The following SATB2 variants were observed in gnomAD, a reference collection of about 807,000 sequenced individuals.
SATB2 encodes the protein SATB homeobox 2.
In SATB2, 1 loss-of-function variant was observed where a neutral mutation model predicts 73.4. That is an observed-to-expected ratio of 0.01 (90% CI 0.00 to 0.06). The LOEUF (loss-of-function observed/expected upper bound fraction) is 0.06, where lower values mean the gene tolerates loss of function less well. Among genes scored for constraint, SATB2 ranks in the 10% least tolerant of loss-of-function variants. The pLI is 1.00. For synonymous variants in SATB2, 397 were observed against 367.0 expected, an observed-to-expected ratio of 1.08 and a Z score of -0.93; for missense variants, 459 against 945.8, an observed-to-expected ratio of 0.49 and a Z score of 6.75.
At chr2:199,291,842 C>T (rs1281101034) in intron 10 of SATB2, among the ~76,000 whole-genome samples, 11 of 151,320 alleles carry the variant, frequency 7.3e-5, no homozygotes, top group African/African-American at 1.9e-4. Flanking sequence ...AACTGGGAGG[C>T]GGAGGTTGCA....
rs60270792 is a variant in SATB2 at position 199,422,302 on chromosome 2, G to GT, written c.346+11035dup. 5.9e-3 allele frequency among the ~76,000 whole-genome samples: 845 copies of GT among 144,422 alleles called. 3 individuals carry two copies. The highest frequency in any genetic ancestry group is 0.011 in the African/African-American group (424 of 39,706). 94.7% of individuals were successfully genotyped at this position (144,422 alleles called of 152,430 possible). On this transcript the variant is annotated intron_variant, in intron 3 of 10. Coordinates refer to ENST00000417098, the MANE Select transcript of SATB2 (RefSeq NM_001172509.2). ...TGTCTTCTACTTTTAAAAATTTTTA[G>GT]TTTTTTTTTTTGTAATTAACAAGTA...
At chr2:199,348,556 C>A in intron 7 of SATB2, 145 bp downstream of exon 7, 1 of 716,450 alleles carries the variant, frequency 1.4e-6, no homozygotes, top group Non-Finnish European at 2.4e-6. Context: ...ATGGTAATAG[C>A]GTTTCATTAA....
chr2:199,375,002 A>G (rs1240235743), intron 5 of SATB2, among the ~76,000 whole-genome samples: 1 of 151,928 alleles, frequency 6.6e-6, no homozygotes, highest in Non-Finnish European at 1.5e-5. Context: ...TTTTCAGTTA[A>G]CAAGACTGTC....
At chr2:199,384,605 T>C (rs187455726) in intron 3 of SATB2, among the ~76,000 whole-genome samples, 3 of 152,366 alleles carry the variant, frequency 2.0e-5, no homozygotes, top group African/African-American at 4.8e-5. Context: ...CAAGTGTTAA[T>C]TGAGGAAATC....
chr2:199,309,621 C>G (rs556450192), intron 9 of SATB2, among the ~76,000 whole-genome samples: 1 of 152,178 alleles, frequency 6.6e-6, no homozygotes, highest in East Asian at 1.9e-4. Flanking sequence ...ATCTGGCATC[C>G]GGATGTTCTC....
chr2:199,462,331 C>T (rs1486907765), upstream of SATB2, among the ~76,000 whole-genome samples: 2 of 152,172 alleles, frequency 1.3e-5, no homozygotes, highest in African/African-American at 2.4e-5. This position sits in a 1 kb window ranked among gnomAD's most constrained non-coding sequence, Gnocchi z 5.9. Flanking sequence ...CAATTTCCGC[C>T]GCGGACTGTC....
At chr2:199,327,945 T>C (rs527373234) in intron 8 of SATB2, among the ~76,000 whole-genome samples, 1 of 152,254 alleles carries the variant, frequency 6.6e-6, no homozygotes, top group Non-Finnish European at 1.5e-5. Flanking sequence ...GAGCTTCAAC[T>C]ACCCTCTGCC....
intron 3 of SATB2, among the ~76,000 whole-genome samples, chr2:199,415,252 G>A (rs1690942061): frequency 6.6e-6 from 1 of 152,166 alleles, no homozygotes; most frequent in African/African-American, 2.4e-5. Context: ...GAAGAGAATA[G>A]TTGTAAGCTT....
chr2:199,303,838 A>G (rs1196995101), intron 10 of SATB2, among the ~76,000 whole-genome samples: 1 of 152,192 alleles, frequency 6.6e-6, no homozygotes, highest in Non-Finnish European at 1.5e-5. Context: ...CGAGTCTCAC[A>G]TTCTTATTCA....
chr2:199,388,730 T>TAAA (rs1201203172), intron 3 of SATB2, among the ~76,000 whole-genome samples: 1 of 152,040 alleles, frequency 6.6e-6, no homozygotes, highest in Non-Finnish European at 1.5e-5. Context: ...GTATATCTCA[T>TAAA]AACTCCCTGG....
intron 10 of SATB2, among the ~76,000 whole-genome samples, chr2:199,275,744 T>C (rs1300873054): frequency 6.6e-6 from 1 of 152,194 alleles, no homozygotes; most frequent in Non-Finnish European, 1.5e-5. Flanking sequence ...GGCACCATGA[T>C]GACATCTACA....
At chr2:199,366,619 T>C (rs945660865) in intron 6 of SATB2, among the ~76,000 whole-genome samples, 6 of 151,960 alleles carry the variant, frequency 3.9e-5, no homozygotes, top group Non-Finnish European at 8.8e-5. Flanking sequence ...CCTTCCCTTT[T>C]CTCCTCCTAC....
rs555363625 is a variant in SATB2 at position 199,276,404 on chromosome 2, T to C, written c.1741-3732A>G. ...TGTCTGAATCTCTCAGAACATCTTC[T>C]AAATTCCCTGTTAGTGAACTAGAAC... On this transcript the variant is annotated intron_variant, in intron 10 of 10. Coordinates refer to ENST00000417098, the MANE Select transcript of SATB2 (RefSeq NM_001172509.2). 1.4e-3 allele frequency among the ~76,000 whole-genome samples: 218 copies of C among 152,322 alleles called. 1 individual carries two copies. The highest frequency in any genetic ancestry group is 5.0e-3 in the African/African-American group (206 of 41,576).
At chr2:199,360,923 C>A (rs927469454) in intron 6 of SATB2, among the ~76,000 whole-genome samples, 1 of 152,082 alleles carries the variant, frequency 6.6e-6, no homozygotes, top group Non-Finnish European at 1.5e-5. Context: ...TGCCCCTCCA[C>A]TGCACCCTTG....
At chr2:199,419,057 G>A (rs553997329) in intron 3 of SATB2, among the ~76,000 whole-genome samples, 3 of 152,246 alleles carry the variant, frequency 2.0e-5, no homozygotes, top group East Asian at 3.9e-4. Context: ...CCATGCTCTC[G>A]TTTTCCCAGA....
At chr2:199,337,687 A>G (rs1459770052) in intron 7 of SATB2, among the ~76,000 whole-genome samples, 1 of 152,194 alleles carries the variant, frequency 6.6e-6, no homozygotes, top group African/African-American at 2.4e-5. Context: ...GAACTTTGGA[A>G]GTAAATTCTG....
intron 3 of SATB2, among the ~76,000 whole-genome samples, chr2:199,424,429 A>G (rs13400686): frequency 0.14 from 21,891 of 152,188 alleles, 1,788 homozygotes; most frequent in South Asian, 0.34. Context: ...GAAGTCCCCG[A>G]CAGCTCTGGG....
At chr2:199,321,365 G>GTCTATGTATAGATATATATA (rs1559160006) in intron 9 of SATB2, among the ~76,000 whole-genome samples, 1 of 149,898 alleles carries the variant, frequency 6.7e-6, no homozygotes, top group Admixed American at 6.7e-5. Flanking sequence ...AGATATATAT[G>GTCTATGTATAGATATATATA]TATGTCTATA....
rs1692162114 is a variant in SATB2 at position 199,271,657 on chromosome 2, AG to A, written c.*553del. 6.5e-6 allele frequency: 1 copy of A among 152,770 alleles called. No homozygotes were observed. The highest frequency in any genetic ancestry group is 2.4e-5 in the African/African-American group (1 of 41,396). The allele number at this position is 152,770 out of a possible 1,614,324, so 9.5% of individuals were successfully genotyped here. A position where few individuals can be genotyped will look rare whatever the true frequency, so the allele number is the denominator to read the frequency against. On this transcript the variant is annotated 3_prime_UTR_variant, in exon 11 of 11. Coordinates refer to ENST00000417098, the MANE Select transcript of SATB2 (RefSeq NM_001172509.2). ...AGGCCGCAGTTTATCAAAAAGCCAA[AG>A]CGACTCACTGTGAAGTGGTTTTTTT...
Sources: gnomAD v4.1 joint callset for allele counts (sites outside exome capture counted in the v4.1 genomes callset) on GRCh38, gnomAD v4.1.1 for gene constraint, Gnocchi (gnomAD v3.1) non-coding constraint, MANE v1.5 for transcripts, NCBI Gene and HGNC (gene_info 2026-07-23, HGNC 2026-07-21) for gene names.